PMM2: variants seen among roughly 807,000 people sequenced by gnomAD.
PMM2 encodes the protein phosphomannomutase 2.
PMM2 carries 35 observed loss-of-function variants against 33.2 expected under a neutral mutation model. The observed-to-expected ratio is 1.06, with a 90% CI of 0.81 to 1.40. PMM2 has a LOEUF of 1.40. Among genes scored for constraint, PMM2 ranks in the 40% most tolerant of loss-of-function variants. PMM2 has a pLI of 0.00. For missense variants in PMM2, 386 were observed against 306.0 expected (o/e 1.26, Z -1.95); for synonymous variants, 153 against 114.7 (o/e 1.33, Z -2.13).
intron 7 of PMM2, chr16:8,832,647 G>A: frequency 1.0e-6 from 1 of 985,408 alleles, no homozygotes; most frequent in Non-Finnish European, 1.2e-6. Flanking sequence ...CCTCCTAACT[G>A]CTCCCTTCAA....
chr16:8,817,325 A>C (rs1246307827), intron 7 of PMM2, among the ~76,000 whole-genome samples: 1 of 152,214 alleles, frequency 6.6e-6, no homozygotes, highest in Non-Finnish European at 1.5e-5. Context: ...TCATGTCTTT[A>C]AAAAAATTAA....
intron 1 of PMM2, 99 bp downstream of exon 1, chr16:8,798,047 A>G: frequency 1.7e-6 from 2 of 1,166,612 alleles, no homozygotes; most frequent in Non-Finnish European, 2.5e-6. Context: ...AGGGGTGGCT[A>G]AGGACCGCCT....
rs565572801 is a variant in PMM2 at position 8,818,782 on chromosome 16, C to G, written c.639+5676C>G. Reference sequence around the variant, plus strand: ...TCAGAAACCCTGTCATTCTTCCCATCAGCCACAAAAGCCAGTGTTTCTTAA... The same window carrying G: ...TCAGAAACCCTGTCATTCTTCCCATGAGCCACAAAAGCCAGTGTTTCTTAA... On this transcript the variant is annotated intron_variant, in intron 7 of 7. Transcript: ENST00000268261. Among the ~76,000 whole-genome samples the G allele has an allele frequency of 6.6e-5, 10 of 152,324 alleles. No homozygotes were observed. The East Asian group carries it at 1.9e-3, about 29-fold the overall frequency.
chr16:8,798,087 G>A (rs2060589952), intron 1 of PMM2, 139 bp downstream of exon 1: 6 of 807,476 alleles, frequency 7.4e-6, no homozygotes, highest in Non-Finnish European at 8.2e-6. Context: ...CCCTATTCTG[G>A]GTGCACTGGA....
intron 7 of PMM2, among the ~76,000 whole-genome samples, chr16:8,837,342 T>C (rs539767746): frequency 6.6e-6 from 1 of 152,120 alleles, no homozygotes; most frequent in African/African-American, 2.4e-5. Context: ...CGAGTTTGTA[T>C]TGGGGTCAAG....
intron 7 of PMM2, among the ~76,000 whole-genome samples, chr16:8,826,293 CTT>C (rs1364731645): frequency 1.3e-5 from 2 of 152,108 alleles, no homozygotes; most frequent in East Asian, 1.9e-4. Flanking sequence ...AAGATTTTCT[CTT>C]TTAAAAAAAC....
chr16:8,820,248 G>A (rs1488397140), intron 7 of PMM2, among the ~76,000 whole-genome samples: 2 of 151,926 alleles, frequency 1.3e-5, no homozygotes, highest in Non-Finnish European at 2.9e-5. Flanking sequence ...TTGTATCAGT[G>A]TGGACCATGT....
intron 7 of PMM2, among the ~76,000 whole-genome samples, chr16:8,821,436 A>T (rs1312849581): frequency 3.3e-5 from 5 of 152,204 alleles, no homozygotes; most frequent in African/African-American, 1.2e-4. Context: ...TGTGGCTAAC[A>T]ACCAGCCCAC....
intron 7 of PMM2, among the ~76,000 whole-genome samples, chr16:8,837,151 AAAGAAGGAAGAT>A: frequency 6.6e-6 from 1 of 151,846 alleles, no homozygotes; most frequent in Non-Finnish European, 1.5e-5. Context: ...GGTGGGAGGG[AAAGAAGGAAGAT>A]TTGGGACGAG....
intron 6 of PMM2, among the ~76,000 whole-genome samples, chr16:8,812,030 C>T (rs1481995064): frequency 6.6e-6 from 1 of 152,180 alleles, no homozygotes; most frequent in East Asian, 1.9e-4. Flanking sequence ...ACTTCTCACA[C>T]CTTTGGGCAG....
At chr16:8,844,187 T>G (rs1444441967) in intron 7 of PMM2, among the ~76,000 whole-genome samples, 2 of 152,038 alleles carry the variant, frequency 1.3e-5, no homozygotes, top group Non-Finnish European at 2.9e-5. Flanking sequence ...AATAAGGCAT[T>G]TATTTAGGTT....
At chr16:8,844,663 T>A (rs1406467753) in intron 7 of PMM2, among the ~76,000 whole-genome samples, 1 of 152,228 alleles carries the variant, frequency 6.6e-6, no homozygotes, top group East Asian at 1.9e-4. Context: ...AGAGGCGTCC[T>A]TGCAATGATT....
At chr16:8,798,410 G>A (rs891788164) in intron 1 of PMM2, among the ~76,000 whole-genome samples, 3 of 152,150 alleles carry the variant, frequency 2.0e-5, no homozygotes, top group African/African-American at 7.2e-5. Context: ...GACCTTCAGC[G>A]AGTCATTAAC....
In PMM2 at chr16:8,813,857, C is replaced by CTTTTTTTT. The variant is rs148507269; in HGVS notation, c.639+769_639+776dup. Among the ~76,000 whole-genome samples, 18 of 89,138 alleles carry CTTTTTTTT rather than the reference C, an allele frequency of 2.0e-4. 1 individual carries two copies. The highest frequency in any genetic ancestry group is 3.3e-4 in the Non-Finnish European group (15 of 46,132). The allele number at this position is 89,138 out of a possible 152,430, so 58.5% of individuals were successfully genotyped here. ...CTTTGGGCCAGCTCCTTTTCTTTCT[C>CTTTTTTTT]TTTTTTTTTTTTTTTTTTTTTTTTT... On this transcript the variant is annotated intron_variant, in intron 7 of 7. Transcript: ENST00000268261.
At chr16:8,831,416 A>G (rs2060808964) in intron 7 of PMM2, among the ~76,000 whole-genome samples, 1 of 152,254 alleles carries the variant, frequency 6.6e-6, no homozygotes, top group South Asian at 2.1e-4. Context: ...GCACACCTGT[A>G]GTCCCAGCTA....
intron 7 of PMM2, among the ~76,000 whole-genome samples, chr16:8,845,480 T>C (rs546280335): frequency 4.3e-4 from 65 of 152,246 alleles, no homozygotes; most frequent in African/African-American, 1.5e-3. Flanking sequence ...GAAAGGTGTG[T>C]TGTGTTAATG....
At chr16:8,805,419 G>A (rs994345403) in intron 3 of PMM2, among the ~76,000 whole-genome samples, 5 of 152,074 alleles carry the variant, frequency 3.3e-5, no homozygotes, top group Non-Finnish European at 7.4e-5. Flanking sequence ...CCAGGCTGGA[G>A]TGCAGTGGTG....
At chr16:8,828,204 G>T (rs1430678413) in intron 7 of PMM2, among the ~76,000 whole-genome samples, 3 of 151,468 alleles carry the variant, frequency 2.0e-5, no homozygotes, top group Non-Finnish European at 4.4e-5. Context: ...GTCTCAAAGG[G>T]ATGGTAAGCA....
rs1567157504 is a variant in PMM2, at chr16:8,804,026, TTTTTG to T, written c.179-736_179-732del. On this transcript the variant is annotated intron_variant, in intron 2 of 7. Transcript: ENST00000268261. ...GCTTTGTTTTTTGTTTTTTGGGTTT[TTTTTG>T]TTTTTTTTTTTTTTTTTTTTGACGT... is the stretch of plus-strand genomic sequence containing the variant. 1.1e-4 allele frequency among the ~76,000 whole-genome samples: 10 copies of T among 95,148 alleles called. 1 individual carries two copies. Among genetic ancestry groups the T allele is most frequent in the African/African-American group, 5.6e-4 (10 of 17,882 alleles). The allele number at this position is 95,148 out of a possible 152,430, so 62.4% of individuals were successfully genotyped here. A position where few individuals can be genotyped will look rare whatever the true frequency, so the allele number is the denominator to read the frequency against.
Sources: allele counts gnomAD v4.1 joint callset (sites outside exome capture counted in the v4.1 genomes callset), GRCh38; gene constraint gnomAD v4.1.1; transcripts MANE v1.5; gene names NCBI Gene and HGNC (gene_info 2026-07-23, HGNC 2026-07-21).